PKNOX1: variants seen among roughly 807,000 people sequenced by gnomAD.
PKNOX1 encodes PBX/knotted 1 homeobox 1, also known as homeobox protein PKNOX1.
A neutral mutation model predicts 51.9 loss-of-function variants in PKNOX1; 15 were observed. That is an observed-to-expected ratio of 0.29 (90% CI 0.19 to 0.45). The LOEUF is 0.45. Ranked by LOEUF, PKNOX1 falls within the 20% of genes least tolerant of loss-of-function variation. PKNOX1 has a pLI of 1.00. For synonymous variants in PKNOX1, 219 were observed against 211.1 expected (o/e 1.04, Z -0.32); for missense variants, 462 against 547.5 (o/e 0.84, Z 1.56).
chr21:43,021,176 G>T lies in PKNOX1; in HGVS notation c.721-127G>T. 1.4e-6 allele frequency: 1 copy of T among 695,604 alleles called. No homozygotes were observed. The highest frequency in any genetic ancestry group is 2.9e-5 in the East Asian group (1 of 34,008). 43.1% of individuals were successfully genotyped at this position (695,604 alleles called of 1,614,324 possible). A position where few individuals can be genotyped will look rare whatever the true frequency, so the allele number is the denominator to read the frequency against. On this transcript the variant is annotated intron_variant, in intron 7 of 10. Coordinates refer to ENST00000291547, the MANE Select transcript of PKNOX1 (RefSeq NM_004571.5). The surrounding 1 kb of genome is among the most constrained non-coding windows in gnomAD (Gnocchi z 4.6). ...AAACATCAGTCCACACAGGGTTCCCGTGCATGGGCCTCGACTACAATCATT... is the reference window on the plus strand; with the variant it reads ...AAACATCAGTCCACACAGGGTTCCCTTGCATGGGCCTCGACTACAATCATT...
At chr21:43,009,133 G>A (rs1380105370) in intron 3 of PKNOX1, among the ~76,000 whole-genome samples, 1 of 152,198 alleles carries the variant, frequency 6.6e-6, no homozygotes, top group Non-Finnish European at 1.5e-5. Context: ...TGGCCAAAAT[G>A]GCGAAATGTT....
chr21:42,995,213 C>T (rs928190250), intron 1 of PKNOX1, among the ~76,000 whole-genome samples: 1 of 152,138 alleles, frequency 6.6e-6, no homozygotes, highest in African/African-American at 2.4e-5. Flanking sequence ...TGAACCACCA[C>T]ACCTGGCCGT....
chr21:43,030,896 T>C lies in PKNOX1; in HGVS notation c.*795T>C, dbSNP rs1324172660. The C allele has an allele frequency of 6.6e-6, 1 of 152,250 alleles. No individual in the cohort carries two copies. Among genetic ancestry groups the C allele is most frequent in the Non-Finnish European group, 1.5e-5 (1 of 68,038 alleles). The allele number at this position is 152,250 out of a possible 1,614,324, so 9.4% of individuals were successfully genotyped here. On this transcript the variant is annotated 3_prime_UTR_variant, in exon 11 of 11. Coordinates refer to ENST00000291547, the MANE Select transcript of PKNOX1 (RefSeq NM_004571.5). ...TCCCCGGGTAGTGATGAACATTTAC[T>C]ACTATAAAAGAAACAGCTATTTAAT...
At chr21:42,995,258 C>T (rs1218191394) in intron 1 of PKNOX1, among the ~76,000 whole-genome samples, 1 of 151,692 alleles carries the variant, frequency 6.6e-6, no homozygotes. Flanking sequence ...TTATAGAGTG[C>T]CTCTCAGTTT....
chr21:43,003,017 G>C (rs1023282027), intron 1 of PKNOX1, among the ~76,000 whole-genome samples: 4 of 152,208 alleles, frequency 2.6e-5, no homozygotes, highest in Non-Finnish European at 5.9e-5. Flanking sequence ...CCGGCTCCTT[G>C]TTCCTTTGAA....
At chr21:43,006,982 A>T (rs1306942611) in intron 2 of PKNOX1, among the ~76,000 whole-genome samples, 1 of 152,208 alleles carries the variant, frequency 6.6e-6, no homozygotes, top group Non-Finnish European at 1.5e-5. Flanking sequence ...CTTTAAGTAA[A>T]CACAGCTGGC....
At position 43,016,634 on chromosome 21, in the gene PKNOX1, C is replaced by T. The variant is rs937910963; in HGVS notation, c.523-274C>T. Among the ~76,000 whole-genome samples the T allele has an allele frequency of 5.9e-5, 9 of 152,182 alleles. No homozygotes were observed. The East Asian group carries it at 7.7e-4, about 13-fold the overall frequency. ...CGATATACTCCTGGGCTGTAAGGCACGTGGAATATGGCAGTGAGATGAAGA... is the reference window on the plus strand; with the variant it reads ...CGATATACTCCTGGGCTGTAAGGCATGTGGAATATGGCAGTGAGATGAAGA... On this transcript the variant is annotated intron_variant, in intron 5 of 10. Transcript: ENST00000291547.
intron 9 of PKNOX1, among the ~76,000 whole-genome samples, chr21:43,028,390 A>G (rs965927210): frequency 2.0e-5 from 3 of 152,100 alleles, no homozygotes; most frequent in African/African-American, 7.2e-5. Flanking sequence ...CAAATTCAAC[A>G]GTATCATCTA....
intron 6 of PKNOX1, 35 bp downstream of exon 6, chr21:43,017,042 A>C: frequency 2.8e-6 from 4 of 1,414,116 alleles, no homozygotes; most frequent in Admixed American, 1.7e-5. Context: ...ACTCTCCATG[A>C]GTTTTTGCAG....
At position 43,029,989 on chromosome 21, in the gene PKNOX1, T is replaced by C; in HGVS notation, c.1199T>C (p.Met400Thr). 1 of 1,614,084 alleles carries C rather than the reference T, an allele frequency of 6.2e-7. No individual in the cohort carries two copies. Among genetic ancestry groups the C allele is most frequent in the Non-Finnish European group, 8.5e-7 (1 of 1,180,020 alleles). Residue 400 changes from methionine to threonine, a missense_variant, in exon 11 of 11, where the codon ATG becomes ACG. Met to Thr is a moderately conservative substitution (Grantham distance 81). Around this residue, in one of 5 missense-constraint regions of PKNOX1, gnomAD observed 118 missense variants for 116.8 expected, o/e 1.01. Transcript: ENST00000291547. ...ACCCTGGCGGTGCAGCAGGTCATGATGGCAGGGCAGAGCGAGGACGAGTCT... is the reference window on the plus strand; with the variant it reads ...ACCCTGGCGGTGCAGCAGGTCATGACGGCAGGGCAGAGCGAGGACGAGTCT... ...GATLAVQQVM[M>T]AGQSEDESVD...
At chr21:42,990,796 A>G (rs148323612) in intron 1 of PKNOX1, among the ~76,000 whole-genome samples, 162 of 152,340 alleles carry the variant, frequency 1.1e-3, no homozygotes, top group Middle Eastern at 3.4e-3. Flanking sequence ...ATGGAGAACT[A>G]TGATAGGAGG....
chr21:43,007,673 A>C lies in PKNOX1; in HGVS notation c.179+55A>C, dbSNP rs1047532204. The C allele has an allele frequency of 2.5e-6, 4 of 1,603,634 alleles. No homozygotes were observed. In the African/African-American group the frequency reaches 5.4e-5, roughly 21 times the overall value. Reference sequence around the variant, plus strand: ...CTCAGAGGAGTGAGGAGTGTCCACAAGTTTGTTAAAAGGAACACCAGAACT... The same window carrying C: ...CTCAGAGGAGTGAGGAGTGTCCACACGTTTGTTAAAAGGAACACCAGAACT... On this transcript the variant is annotated intron_variant, in intron 3 of 10. Coordinates refer to ENST00000291547, the MANE Select transcript of PKNOX1 (RefSeq NM_004571.5).
At position 43,031,887 on chromosome 21, in the gene PKNOX1, G is replaced by A. The variant is rs7275621; in HGVS notation, c.*1786G>A. On this transcript the variant is annotated 3_prime_UTR_variant, in exon 11 of 11. Transcript: ENST00000291547. ...AATGACATTTTTTTTTTGAGACAGA[G>A]TTTTGCTCTTGTTGCCCAGGCTGGA... is the stretch of plus-strand genomic sequence containing the variant. The A allele has an allele frequency of 0.13, 23,174 of 171,946 alleles. 1,962 individuals carry two copies. The highest frequency in any genetic ancestry group is 0.24 in the African/African-American group (10,081 of 42,058). 10.7% of individuals were successfully genotyped at this position (171,946 alleles called of 1,614,324 possible).
intron 2 of PKNOX1, among the ~76,000 whole-genome samples, chr21:43,006,480 A>G (rs1439193951): frequency 6.6e-6 from 1 of 151,180 alleles, no homozygotes; most frequent in African/African-American, 2.4e-5. Flanking sequence ...TACTGTGTCC[A>G]CTTAGGCTTT....
At chr21:43,009,938 G>A in intron 3 of PKNOX1, 115 bp from the exon 4 acceptor site, 1 of 549,162 alleles carries the variant, frequency 1.8e-6, no homozygotes, top group Non-Finnish European at 3.1e-6. Context: ...GGACCGTGTG[G>A]CGTGTGCATT....
chr21:42,977,346 A>T (rs879458343), intron 1 of PKNOX1, among the ~76,000 whole-genome samples: 4 of 152,108 alleles, frequency 2.6e-5, no homozygotes, highest in Non-Finnish European at 4.4e-5. Context: ...ATCTCCTTCC[A>T]AAGGAAGTCT....
Position 43,030,915 on chromosome 21 carries a change from A to G in PKNOX1, c.*814A>G, listed in dbSNP as rs1980236535. On this transcript the variant is annotated 3_prime_UTR_variant, in exon 11 of 11. Coordinates refer to ENST00000291547, the MANE Select transcript of PKNOX1 (RefSeq NM_004571.5). ...ATTTACTACTATAAAAGAAACAGCT[A>G]TTTAATGAAATTTTGATATCTGCAA... is the stretch of plus-strand genomic sequence containing the variant. 1.3e-5 allele frequency: 2 copies of G among 152,258 alleles called. No individual in the cohort carries two copies. The highest frequency in any genetic ancestry group is 2.4e-5 in the African/African-American group (1 of 41,470). 9.4% of individuals were successfully genotyped at this position (152,258 alleles called of 1,614,324 possible).
rs1239806431 is a variant in PKNOX1 at position 43,030,260 on chromosome 21, A to G, written c.*159A>G. 5.0e-5 allele frequency: 23 copies of G among 457,928 alleles called. No individual in the cohort carries two copies. The South Asian group carries it at 9.8e-4, about 19-fold the overall frequency. The allele number at this position is 457,928 out of a possible 1,614,324, so 28.4% of individuals were successfully genotyped here. A position where few individuals can be genotyped will look rare whatever the true frequency, so the allele number is the denominator to read the frequency against. Reference sequence around the variant, plus strand: ...TTTGCCGGTGCAGCGACTTCTTTCAAGTGTGTGTGTGTGTGTGTGTGTGTG... The same window carrying G: ...TTTGCCGGTGCAGCGACTTCTTTCAGGTGTGTGTGTGTGTGTGTGTGTGTG... On this transcript the variant is annotated 3_prime_UTR_variant, in exon 11 of 11. Coordinates refer to ENST00000291547, the MANE Select transcript of PKNOX1 (RefSeq NM_004571.5).
At chr21:42,991,284 C>G (rs948508356) in intron 1 of PKNOX1, among the ~76,000 whole-genome samples, 3 of 150,144 alleles carry the variant, frequency 2.0e-5, no homozygotes, top group Admixed American at 6.7e-5. Context: ...GCCAAGAGTT[C>G]GATACCAGCC....
Sources: gnomAD v4.1 joint callset for allele counts (sites outside exome capture counted in the v4.1 genomes callset) on GRCh38, gnomAD v4.1.1 for gene constraint, gnomAD v4.1.1 regional missense constraint, Gnocchi (gnomAD v3.1) non-coding constraint, MANE v1.5 for transcripts, NCBI Gene and HGNC (gene_info 2026-07-23, HGNC 2026-07-21) for gene names.